DPP10: variants seen among roughly 807,000 people sequenced by gnomAD.
The protein encoded by DPP10 is inactive dipeptidyl peptidase 10.
A neutral mutation model predicts 120.9 loss-of-function variants in DPP10; 33 were observed. The observed-to-expected ratio is 0.27, with a 90% CI of 0.21 to 0.37. The LOEUF is 0.37. DPP10 is among the 10% of genes least tolerant of loss of function. The pLI is 1.00. For missense variants in DPP10, 816 were observed against 942.8 expected, an observed-to-expected ratio of 0.87 and a Z score of 1.76; for synonymous variants, 337 against 326.1, an observed-to-expected ratio of 1.03 and a Z score of -0.36.
chr2:114,836,260 A>C (rs1687726072), intron 1 of DPP10, among the ~76,000 whole-genome samples: 1 of 152,164 alleles, frequency 6.6e-6, no homozygotes, highest in South Asian at 2.1e-4. Flanking sequence ...TTAGTTATTT[A>C]TCAGGGGAAA....
intron 1 of DPP10, among the ~76,000 whole-genome samples, chr2:114,537,880 C>T (rs1686640136): frequency 6.6e-6 from 1 of 152,248 alleles, no homozygotes; most frequent in East Asian, 1.9e-4. Context: ...CAGAAATGCC[C>T]AGGATGTGGA....
chr2:115,750,133 T>C (rs1234511769), intron 10 of DPP10: 5 of 985,226 alleles, frequency 5.1e-6, no homozygotes, highest in Non-Finnish European at 4.8e-6. Context: ...GTTCATGAGA[T>C]GGAGTTCCAG....
At chr2:114,913,183 C>A (rs1279714483) in intron 1 of DPP10, among the ~76,000 whole-genome samples, 2 of 152,184 alleles carry the variant, frequency 1.3e-5, no homozygotes, top group Non-Finnish European at 2.9e-5. Context: ...AGTTGGATAG[C>A]TTCTGTAAGT....
chr2:115,788,388 G>T (rs1386701285), intron 17 of DPP10, among the ~76,000 whole-genome samples: 2 of 152,096 alleles, frequency 1.3e-5, no homozygotes, highest in Non-Finnish European at 2.9e-5. Context: ...TTGAAAGAAG[G>T]AGATTGAAAA....
chr2:115,740,735 AT>A (rs1323738353), intron 9 of DPP10, among the ~76,000 whole-genome samples: 1 of 152,104 alleles, frequency 6.6e-6, no homozygotes, highest in East Asian at 1.9e-4. Context: ...GCCATCTTTA[AT>A]TGCTCGAGAT....
At chr2:114,521,221 C>T (rs182746874) in intron 1 of DPP10, among the ~76,000 whole-genome samples, 5 of 149,160 alleles carry the variant, frequency 3.4e-5, no homozygotes, top group African/African-American at 1.2e-4. Flanking sequence ...TAAAAGATAT[C>T]AAATCTAATC....
At chr2:115,062,023 T>G (rs1396087905) in intron 1 of DPP10, among the ~76,000 whole-genome samples, 1 of 151,828 alleles carries the variant, frequency 6.6e-6, no homozygotes, top group Non-Finnish European at 1.5e-5. Context: ...AATTTTCAGT[T>G]TCATATAATT....
At chr2:115,803,070 C>G (rs915382165) in intron 19 of DPP10, among the ~76,000 whole-genome samples, 1 of 152,146 alleles carries the variant, frequency 6.6e-6, no homozygotes, top group African/African-American at 2.4e-5. Context: ...GATTCTAAGT[C>G]TCTTTGTAGG....
chr2:115,064,664 G>A (rs59975834), intron 1 of DPP10: 791 of 1,292,308 alleles, frequency 6.1e-4, no homozygotes, highest in Non-Finnish European at 7.6e-4. Context: ...AGAACTGGAA[G>A]CATGAGTGAG....
At chr2:115,694,447 A>G (rs2091476262) in intron 7 of DPP10, among the ~76,000 whole-genome samples, 1 of 152,190 alleles carries the variant, frequency 6.6e-6, no homozygotes, top group Non-Finnish European at 1.5e-5. Context: ...AGAACTCAGA[A>G]TATTGAGGAG....
intron 1 of DPP10, among the ~76,000 whole-genome samples, chr2:115,298,241 T>A (rs2060974737): frequency 6.6e-6 from 1 of 152,056 alleles, no homozygotes; most frequent in Non-Finnish European, 1.5e-5. Context: ...TGGAGGAAGA[T>A]TCATAAGCCT....
At chr2:114,546,993 A>G (rs760625139) in intron 1 of DPP10, among the ~76,000 whole-genome samples, 2 of 152,200 alleles carry the variant, frequency 1.3e-5, no homozygotes, top group African/African-American at 2.4e-5. Context: ...AGGCAACATG[A>G]TTCTGTGGTA....
rs1023420703 is a variant in DPP10 at position 115,794,009 on chromosome 2, G to A, written c.1700+2653G>A. Among the ~76,000 whole-genome samples the A allele has an allele frequency of 2.0e-5, 3 of 152,176 alleles. No individual in the cohort carries two copies. In the South Asian group the frequency reaches 6.2e-4, roughly 32 times the overall value. On this transcript the variant is annotated intron_variant, in intron 19 of 25. Transcript: ENST00000410059. ...TTTTAAAAACTGCCCATGATTTAAA[G>A]CCATATTTTTTCTCAAGCTTAAAAA...
At chr2:114,685,075 A>G (rs1467458875) in intron 1 of DPP10, among the ~76,000 whole-genome samples, 1 of 151,970 alleles carries the variant, frequency 6.6e-6, no homozygotes. Flanking sequence ...GATGAAGACC[A>G]TTATCCCCTC....
chr2:114,965,406 G>T (rs920894752), intron 1 of DPP10, among the ~76,000 whole-genome samples: 7 of 152,036 alleles, frequency 4.6e-5, no homozygotes, highest in African/African-American at 1.7e-4. Flanking sequence ...CAAAGAGCTG[G>T]ATTACAAGCC....
intron 1 of DPP10, among the ~76,000 whole-genome samples, chr2:115,264,044 A>T (rs2059361286): frequency 6.6e-6 from 1 of 152,206 alleles, no homozygotes; most frequent in African/African-American, 2.4e-5. Context: ...TTCCATAGTA[A>T]ATACTCAATA....
intron 1 of DPP10, among the ~76,000 whole-genome samples, chr2:115,240,206 T>C (rs551417548): frequency 5.3e-5 from 8 of 152,338 alleles, no homozygotes; most frequent in Admixed American, 2.0e-4. Context: ...TGAACTAATT[T>C]GCACTCCCAC....
At chr2:115,429,784 A>C (rs2070806258) in intron 3 of DPP10, among the ~76,000 whole-genome samples, 1 of 152,204 alleles carries the variant, frequency 6.6e-6, no homozygotes, top group Non-Finnish European at 1.5e-5. Context: ...GGTAAGGTAG[A>C]TATGGGACAA....
intron 3 of DPP10, among the ~76,000 whole-genome samples, chr2:115,345,442 A>T (rs2063664159): frequency 6.6e-6 from 1 of 152,208 alleles, no homozygotes; most frequent in Non-Finnish European, 1.5e-5. Flanking sequence ...TAATTATGAC[A>T]ATCACCTGTT....
Sources: gnomAD v4.1 joint callset for allele counts (sites outside exome capture counted in the v4.1 genomes callset) on GRCh38, gnomAD v4.1.1 for gene constraint, MANE v1.5 for transcripts, NCBI Gene and HGNC (gene_info 2026-07-23, HGNC 2026-07-21) for gene names.